The following RTKN variants were observed in gnomAD, a reference collection of about 807,000 sequenced individuals.
RTKN encodes the protein rhotekin.
Under a neutral mutation model 63.5 loss-of-function variants are expected in RTKN, and 49 were observed. The observed-to-expected ratio is 0.77, with a 90% CI of 0.61 to 0.98. The LOEUF (loss-of-function observed/expected upper bound fraction) is 0.98. RTKN is among the 50% of genes least tolerant of loss of function. The pLI is 0.00. For synonymous variants in RTKN, 295 were observed against 290.4 expected, an observed-to-expected ratio of 1.02 and a Z score of -0.16; for missense variants, 685 against 740.8, an observed-to-expected ratio of 0.92 and a Z score of 0.87.
chr2:74,427,238 T>C lies in RTKN; in HGVS notation c.1291A>G (p.Ile431Val), dbSNP rs1409387027. 6.2e-7 allele frequency: 1 copy of C among 1,614,144 alleles called. No individual in the cohort carries two copies. The highest frequency in any genetic ancestry group is 1.1e-5 in the South Asian group (1 of 91,076). Residue 431 changes from isoleucine (I) to valine (V), a missense_variant, in exon 11 of 12, where the codon ATT (isoleucine) becomes GTT (valine). Coordinates refer to ENST00000272430, the MANE Select transcript of RTKN (RefSeq NM_001015055.2). Reference sequence around the variant, plus strand: ...GGTTTCCGGGGAGCAGGAGTTTCAATTTTCATGATTTCATCACAGCACTGC... The same window carrying C: ...GGTTTCCGGGGAGCAGGAGTTTCAACTTTCATGATTTCATCACAGCACTGC... ...WKQCCDEIMKIETPAPRKPPQ... is the reference protein window; with the variant it reads ...WKQCCDEIMKVETPAPRKPPQ...
intron 1 of RTKN, chr2:74,439,557 G>T (rs1230677349): frequency 6.2e-7 from 1 of 1,614,162 alleles, no homozygotes; most frequent in East Asian, 2.2e-5. Context: ...TTACCTCCAG[G>T]CTGAGTGCCA....
intron 1 of RTKN, among the ~76,000 whole-genome samples, chr2:74,438,340 C>T (rs1000874514): frequency 1.3e-5 from 2 of 152,098 alleles, no homozygotes; most frequent in African/African-American, 2.4e-5. Flanking sequence ...CCTTTCTCCA[C>T]CATGAGCATT....
chr2:74,436,202 A>C lies in RTKN; in HGVS notation c.112-3536T>G, dbSNP rs1671049357. On this transcript the variant is annotated intron_variant, in intron 1 of 11. Coordinates refer to ENST00000272430, the MANE Select transcript of RTKN (RefSeq NM_001015055.2). The surrounding 1 kb of genome is among the most constrained non-coding windows in gnomAD (Gnocchi z 4.3). ...TCCCAGCACTCACGGATCCTTCCCCAGCCCGCTCCATTGCGAGAGGCGCGC... is the reference window on the plus strand; with the variant it reads ...TCCCAGCACTCACGGATCCTTCCCCCGCCCGCTCCATTGCGAGAGGCGCGC... 6.6e-6 allele frequency among the ~76,000 whole-genome samples: 1 copy of C among 152,238 alleles called. No individual in the cohort carries two copies. The highest frequency in any genetic ancestry group is 6.5e-5 in the Admixed American group (1 of 15,288).
At chr2:74,439,022 G>A (rs936666564) in intron 1 of RTKN, among the ~76,000 whole-genome samples, 7 of 152,118 alleles carry the variant, frequency 4.6e-5, no homozygotes, top group Non-Finnish European at 8.8e-5. Flanking sequence ...AGTGGCTCAC[G>A]CCTGTAATCT....
At chr2:74,432,751 GC>G in intron 1 of RTKN, 85 bp from the exon 2 acceptor site, 1 of 1,224,462 alleles carries the variant, frequency 8.2e-7, no homozygotes, top group Non-Finnish European at 1.2e-6. Flanking sequence ...GTGGGCTGTG[GC>G]CAGTAAAACT....
chr2:74,427,183 A>G lies in RTKN; in HGVS notation c.1346T>C (p.Leu449Ser). 1 of 1,613,990 alleles carries G rather than the reference A, an allele frequency of 6.2e-7. No homozygotes were observed. Among genetic ancestry groups the G allele is most frequent in the Non-Finnish European group, 8.5e-7 (1 of 1,179,902 alleles). The change falls in exon 11 of 12, where the codon TTG (leucine) becomes TCG (serine). Residue 449 changes from leucine (L) to serine (S), a missense_variant. Physicochemically the swap from Leu to Ser is moderately radical, Grantham distance 145. Transcript: ENST00000272430. ...CTCTCACTTACCCATCTCATGGTACAAGGACCCCTGCTTTGCCAGTGCTTG... is the reference window on the plus strand; with the variant it reads ...CTCTCACTTACCCATCTCATGGTACGAGGACCCCTGCTTTGCCAGTGCTTG... ...PPQALAKQGS[L>S]YHEMAIEPLD... is the part of the protein sequence containing the mutation.
At chr2:74,431,255 TCTC>T (rs1670735997) in intron 2 of RTKN, among the ~76,000 whole-genome samples, 1 of 151,880 alleles carries the variant, frequency 6.6e-6, no homozygotes, top group Non-Finnish European at 1.5e-5. Context: ...AACTTTGATT[TCTC>T]CTTTTTCCTC....
intron 2 of RTKN, chr2:74,431,022 G>A: frequency 3.5e-6 from 1 of 288,030 alleles, no homozygotes; most frequent in East Asian, 6.0e-5. Flanking sequence ...TCATTTCCAG[G>A]GCTCTCCATT....
chr2:74,428,110 G>T, intron 9 of RTKN, 158 bp downstream of exon 9: 1 of 846,844 alleles, frequency 1.2e-6, no homozygotes, highest in Non-Finnish European at 1.8e-6. Flanking sequence ...TGATGCTGTA[G>T]TTGGGGAAAA....
chr2:74,439,545 G>T (rs1280471052), intron 1 of RTKN: 2 of 1,613,984 alleles, frequency 1.2e-6, no homozygotes, highest in Non-Finnish European at 1.7e-6. Context: ...AGGGTCGGGG[G>T]ATTACCTCCA....
Position 74,432,453 on chromosome 2 carries a change from TC to T in RTKN, c.311+13del. 1 of 1,605,012 alleles carries T rather than the reference TC, an allele frequency of 6.2e-7. No individual in the cohort carries two copies. The highest frequency in any genetic ancestry group is 1.3e-5 in the African/African-American group (1 of 74,946). The stretch of plus-strand genomic sequence containing the variant: ...CTCCTGCCTCCATCGAGGCCTCGTC[TC>T]CCCCTTGCTCACCGCCGGCTTGTCT... On this transcript the variant is annotated intron_variant, in intron 2 of 11. Coordinates refer to ENST00000272430, the MANE Select transcript of RTKN (RefSeq NM_001015055.2).
At position 74,426,125 on chromosome 2, in the gene RTKN, A is replaced by G; in HGVS notation, c.*118T>C. On this transcript the variant is annotated 3_prime_UTR_variant, in exon 12 of 12. Transcript: ENST00000272430. ...CACCCCTGCAGCCTACCCCAGGTCCAGCAGAGGAACAGGAGGCCAGACTGG... is the reference window on the plus strand; with the variant it reads ...CACCCCTGCAGCCTACCCCAGGTCCGGCAGAGGAACAGGAGGCCAGACTGG... The G allele has an allele frequency of 1.1e-6, 1 of 906,966 alleles. No individual in the cohort carries two copies. Among genetic ancestry groups the G allele is most frequent in the Non-Finnish European group, 1.7e-6 (1 of 578,772 alleles). The allele number at this position is 906,966 out of a possible 1,614,324, so 56.2% of individuals were successfully genotyped here. A position where few individuals can be genotyped will look rare whatever the true frequency, so the allele number is the denominator to read the frequency against.
chr2:74,426,818 G>C (rs1361637871), intron 11 of RTKN: 5 of 1,356,138 alleles, frequency 3.7e-6, no homozygotes, highest in Admixed American at 3.5e-5. Flanking sequence ...GGGGAGCAGA[G>C]GTGGGTGAAG....
Position 74,427,688 on chromosome 2 carries a change from G to C in RTKN, c.1087-96C>G, listed in dbSNP as rs1670487644. On this transcript the variant is annotated intron_variant, in intron 9 of 11. Transcript: ENST00000272430. ...CCTGCCTTAGAAGAATGAGCTTGTG[G>C]GGCTTTTGCTGAGCCCTCTCATTTG... 14 of 1,356,998 alleles carry C rather than the reference G, an allele frequency of 1.0e-5. No individual in the cohort carries two copies. In the East Asian group the frequency reaches 3.2e-4, roughly 31 times the overall value. The allele number at this position is 1,356,998 out of a possible 1,614,324, so 84.1% of individuals were successfully genotyped here. A position where few individuals can be genotyped will look rare whatever the true frequency, so the allele number is the denominator to read the frequency against.
chr2:74,425,869 A>G lies in RTKN; in HGVS notation c.*374T>C, dbSNP rs1234091130. On this transcript the variant is annotated 3_prime_UTR_variant, in exon 12 of 12. Transcript: ENST00000272430. ...CAGAGAGAGGCACCCTGTCCTCAGG[A>G]GCCAGGTGAAGGCTGCTGTTAAATA... The G allele has an allele frequency of 9.0e-7, 1 of 1,107,796 alleles. No individual in the cohort carries two copies. Among genetic ancestry groups the G allele is most frequent in the Non-Finnish European group, 1.3e-6 (1 of 785,884 alleles). The allele number at this position is 1,107,796 out of a possible 1,614,324, so 68.6% of individuals were successfully genotyped here. A position where few individuals can be genotyped will look rare whatever the true frequency, so the allele number is the denominator to read the frequency against.
intron 1 of RTKN, 76 bp downstream of exon 1, chr2:74,441,630 G>T (rs901501809): frequency 3.7e-5 from 39 of 1,049,322 alleles, no homozygotes; most frequent in Non-Finnish European, 5.2e-5. Flanking sequence ...GCACGCGGGC[G>T]AGGGAAGGAG....
Position 74,439,836 on chromosome 2 carries a change from C to T in RTKN, c.111+1870G>A, listed in dbSNP as rs578070363. On this transcript the variant is annotated intron_variant, in intron 1 of 11. Transcript: ENST00000272430. Reference sequence around the variant, plus strand: ...CAAATTTTCCTCGCCCACTGCTGCTCCGGGGCCCTGCCGGGAGCCAGGCAG... The same window carrying T: ...CAAATTTTCCTCGCCCACTGCTGCTTCGGGGCCCTGCCGGGAGCCAGGCAG... 2,080 of 1,384,064 alleles carry T rather than the reference C, an allele frequency of 1.5e-3. 2 individuals are homozygous for T. The highest frequency in any genetic ancestry group is 1.6e-3 in the Non-Finnish European group (1,689 of 1,065,192). 85.7% of individuals were successfully genotyped at this position (1,384,064 alleles called of 1,614,324 possible). A position where few individuals can be genotyped will look rare whatever the true frequency, so the allele number is the denominator to read the frequency against.
In RTKN at chr2:74,429,051, T is replaced by C. The variant is rs985733156; in HGVS notation, c.756-109A>G. The C allele has an allele frequency of 4.9e-6, 4 of 820,384 alleles. No homozygotes were observed. In the African/African-American group the frequency reaches 5.0e-5, roughly 10 times the overall value. 50.8% of individuals were successfully genotyped at this position (820,384 alleles called of 1,614,324 possible). ...TTGTTCAGACTGCCCCACAGAAAAC[T>C]CGCTTGCCTCCCCAGAGGGTTAGGA... On this transcript the variant is annotated intron_variant, in intron 6 of 11. Transcript: ENST00000272430.
chr2:74,437,188 G>C (rs1671111476), intron 1 of RTKN, among the ~76,000 whole-genome samples: 1 of 152,188 alleles, frequency 6.6e-6, no homozygotes, highest in African/African-American at 2.4e-5. Context: ...TTTGTAAAAT[G>C]GGGAGTATTC....
Sources: allele counts gnomAD v4.1 joint callset (sites outside exome capture counted in the v4.1 genomes callset), GRCh38; gene constraint gnomAD v4.1.1; non-coding constraint Gnocchi (gnomAD v3.1); transcripts MANE v1.5; gene names NCBI Gene and HGNC (gene_info 2026-07-23, HGNC 2026-07-21).